The following CD36 variants were observed in gnomAD, a reference collection of about 807,000 sequenced individuals.
CD36 encodes the protein CD36 molecule (CD36 blood group), also known as platelet glycoprotein 4.
In CD36, 119 loss-of-function variants were observed where a neutral mutation model predicts 55.2. The observed-to-expected ratio is 2.15, with a 90% CI of 1.86 to 2.51. The LOEUF is 2.51. Ranked by LOEUF, CD36 falls within the 30% of genes most tolerant of loss-of-function variation. The pLI is 0.00. For synonymous variants in CD36, 186 were observed against 193.6 expected, an observed-to-expected ratio of 0.96 and a Z score of 0.33; for missense variants, 819 against 555.5, an observed-to-expected ratio of 1.47 and a Z score of -4.77.
In CD36 at chr7:80,671,121, T is replaced by G. The variant is rs374208165; in HGVS notation, c.963T>G (p.Asn321Lys). Residue 321 changes from asparagine (N) to lysine (K), a missense_variant, in exon 10 of 15, where the codon AAT becomes AAG. Asn to Lys is a moderately conservative substitution (Grantham distance 94). Coordinates refer to ENST00000447544, the MANE Select transcript of CD36 (RefSeq NM_001001548.3). ...GCACAGAAAAAATTATCTCAAAAAA[T>G]TGTACATCATATGGTGTGCTAGACA... The part of the protein sequence containing the change: ...CFCTEKIISK[N>K]CTSYGVLDIS... 6.2e-7 allele frequency: 1 copy of G among 1,613,310 alleles called. No homozygotes were observed.
chr7:80,674,274 TTTAAATATAGGTAAA>T lies in CD36; in HGVS notation c.*129_*143del, dbSNP rs1798048594. ...TAGACATGTCTAGCCACTGATCATT[TTTAAATATAGGTAAA>T]TAAACCTATAAATATTATCACGCAG... On this transcript the variant is annotated intron_variant, in intron 14 of 14. Coordinates refer to ENST00000447544, the MANE Select transcript of CD36 (RefSeq NM_001001548.3). 7 of 668,558 alleles carry T rather than the reference TTTAAATATAGGTAAA, an allele frequency of 1.0e-5. No individual in the cohort carries two copies. In the East Asian group the frequency reaches 1.9e-4, roughly 18 times the overall value. The allele number at this position is 668,558 out of a possible 1,614,324, so 41.4% of individuals were successfully genotyped here. A position where few individuals can be genotyped will look rare whatever the true frequency, so the allele number is the denominator to read the frequency against.
At chr7:80,669,053 C>CATTAGGACAAAT (rs1797395122) in intron 8 of CD36, among the ~76,000 whole-genome samples, 1 of 151,926 alleles carries the variant, frequency 6.6e-6, no homozygotes, top group East Asian at 1.9e-4. Flanking sequence ...AGTAATCAGC[C>CATTAGGACAAAT]ATTAGGACAA....
intron 1 of CD36, among the ~76,000 whole-genome samples, chr7:80,627,178 T>A (rs972538439): frequency 3.3e-5 from 5 of 152,118 alleles, no homozygotes; most frequent in Admixed American, 6.6e-5. Context: ...AGGACAATGC[T>A]ACATTTGATT....
intron 1 of CD36, among the ~76,000 whole-genome samples, chr7:80,607,286 G>GA (rs1792610352): frequency 1.3e-5 from 2 of 152,044 alleles, no homozygotes; most frequent in South Asian, 4.2e-4. Flanking sequence ...AGAAGAAAAA[G>GA]AAAAGCACTT....
intron 7 of CD36, among the ~76,000 whole-genome samples, chr7:80,664,822 C>G (rs557620474): frequency 6.9e-6 from 1 of 145,472 alleles, no homozygotes; most frequent in Admixed American, 7.1e-5. Flanking sequence ...TATAATTATT[C>G]TTACAATTAG....
At chr7:80,658,883 T>C (rs1796303672) in intron 4 of CD36, among the ~76,000 whole-genome samples, 1 of 152,190 alleles carries the variant, frequency 6.6e-6, no homozygotes, top group Non-Finnish European at 1.5e-5. Context: ...AGCTGATCTA[T>C]ATTTTATTCT....
rs942568500 is a variant in CD36 at position 80,678,711 on chromosome 7, G to C, written c.*2328G>C. Reference sequence around the variant, plus strand: ...CTACTAAAAATACAAAAATGAGCGGGGTGTGGTGGCCCATGCCTGTAGTCC... The same window carrying C: ...CTACTAAAAATACAAAAATGAGCGGCGTGTGGTGGCCCATGCCTGTAGTCC... On this transcript the variant is annotated 3_prime_UTR_variant, in exon 15 of 15. Coordinates refer to ENST00000447544, the MANE Select transcript of CD36 (RefSeq NM_001001548.3). 1.3e-5 allele frequency: 2 copies of C among 152,066 alleles called. No individual in the cohort carries two copies. The highest frequency in any genetic ancestry group is 6.6e-5 in the Admixed American group (1 of 15,238). The allele number at this position is 152,066 out of a possible 1,614,324, so 9.4% of individuals were successfully genotyped here. A position where few individuals can be genotyped will look rare whatever the true frequency, so the allele number is the denominator to read the frequency against.
chr7:80,659,038 G>T (rs1224878963), intron 4 of CD36, among the ~76,000 whole-genome samples: 1 of 152,084 alleles, frequency 6.6e-6, no homozygotes, highest in African/African-American at 2.4e-5. Context: ...AGCTCTTTCT[G>T]TAACAATTTT....
At chr7:80,602,823 A>G (rs945888477) in intron 1 of CD36, among the ~76,000 whole-genome samples, 6 of 152,132 alleles carry the variant, frequency 3.9e-5, no homozygotes, top group Non-Finnish European at 7.4e-5. Flanking sequence ...ATCCTCTTCC[A>G]ACTTGGAAAA....
chr7:80,628,340 C>T (rs1000129194), intron 1 of CD36, among the ~76,000 whole-genome samples: 1 of 151,948 alleles, frequency 6.6e-6, no homozygotes, highest in South Asian at 2.1e-4. Context: ...TCTCTTGCTA[C>T]TTATGAATGA....
chr7:80,673,878 A>G, intron 13 of CD36, 105 bp from the exon 14 acceptor site: 1 of 824,762 alleles, frequency 1.2e-6, no homozygotes, highest in Non-Finnish European at 2.0e-6. Flanking sequence ...GATACTGATG[A>G]CTAACACCAA....
intron 1 of CD36, among the ~76,000 whole-genome samples, chr7:80,619,375 A>G (rs769479215): frequency 1.3e-5 from 2 of 152,152 alleles, no homozygotes; most frequent in Middle Eastern, 3.2e-3. Context: ...CAGAGATCAG[A>G]GTCATTTTGA....
chr7:80,657,403 A>C (rs1796176569), intron 4 of CD36, among the ~76,000 whole-genome samples: 1 of 152,196 alleles, frequency 6.6e-6, no homozygotes, highest in Admixed American at 6.5e-5. Flanking sequence ...TTTCACTCTT[A>C]TATTTCCTCT....
chr7:80,664,303 A>G (rs1283982420), intron 6 of CD36, 103 bp from the exon 7 acceptor site: 13 of 739,050 alleles, frequency 1.8e-5, no homozygotes, highest in Admixed American at 5.7e-5. Context: ...ATTTCAAGTC[A>G]TTTGAGTAAC....
chr7:80,671,927 C>A lies in CD36; in HGVS notation c.1012C>A (p.Pro338Thr). Residue 338 changes from proline (P) to threonine (T), a missense_variant, in exon 11 of 15, where the codon CCT (proline) becomes ACT (threonine). By Grantham distance (38) the Pro-to-Thr change is conservative. Transcript: ENST00000447544. ...LDISKCKEGR[P>T]VYISLPHFLY... ...CTCTTAAAACTTGTCTTCAGGGAGA[C>A]CTGTGTACATTTCACTTCCTCATTT... The A allele has an allele frequency of 1.2e-6, 2 of 1,611,090 alleles. No homozygotes were observed.
At chr7:80,668,848 A>C (rs1390831558) in intron 8 of CD36, among the ~76,000 whole-genome samples, 1 of 152,192 alleles carries the variant, frequency 6.6e-6, no homozygotes, top group African/African-American at 2.4e-5. Flanking sequence ...TTTAAAACTC[A>C]TTCAATGACG....
chr7:80,673,927 G>T (rs905115047), intron 13 of CD36, 56 bp from the exon 14 acceptor site: 7 of 1,327,682 alleles, frequency 5.3e-6, no homozygotes, highest in Non-Finnish European at 7.6e-6. Flanking sequence ...CAATTGAAGG[G>T]TTTATTTTGT....
chr7:80,637,181 T>G (rs1026954344), upstream of CD36, among the ~76,000 whole-genome samples: 2 of 152,102 alleles, frequency 1.3e-5, no homozygotes, highest in Non-Finnish European at 2.9e-5. Flanking sequence ...ATTGTCATAT[T>G]AGAGTGTGAG....
At chr7:80,640,649 T>A (rs1794740792) in intron 1 of CD36, among the ~76,000 whole-genome samples, 1 of 152,000 alleles carries the variant, frequency 6.6e-6, no homozygotes. Context: ...CATTCTTGTC[T>A]AAGGTTCAAA....
Sources: gnomAD v4.1 joint callset for allele counts (sites outside exome capture counted in the v4.1 genomes callset) on GRCh38, gnomAD v4.1.1 for gene constraint, MANE v1.5 for transcripts, NCBI Gene and HGNC (gene_info 2026-07-23, HGNC 2026-07-21) for gene names.